CDH17: variants seen among roughly 807,000 people sequenced by gnomAD.
CDH17 encodes cadherin 17, also known as cadherin-17.
In CDH17, 67 loss-of-function variants were observed where a neutral mutation model predicts 86.3. That is an observed-to-expected ratio of 0.78 (90% CI 0.64 to 0.95). The LOEUF is 0.95. Among genes scored for constraint, CDH17 ranks in the 40% least tolerant of loss-of-function variants. The probability of loss-of-function intolerance (pLI) is 0.00; values close to 1 mark genes in which losing one functional copy is unlikely to be tolerated. For missense variants in CDH17, 993 were observed against 1,017.6 expected (o/e 0.98, Z 0.33); for synonymous variants, 367 against 366.4 (o/e 1.00, Z -0.02).
intron 13 of CDH17, 35 bp downstream of exon 13, chr8:94,151,833 C>T (rs371395316): frequency 1.3e-5 from 21 of 1,611,948 alleles, no homozygotes; most frequent in African/African-American, 1.2e-4. Context: ...TTGGTGACCA[C>T]GCAGCCAGGC....
chr8:94,191,652 C>G (rs1813693159), intron 2 of CDH17, among the ~76,000 whole-genome samples: 1 of 152,012 alleles, frequency 6.6e-6, no homozygotes, highest in African/African-American at 2.4e-5. Context: ...TGGGGTTTCA[C>G]CATGTTGGAC....
intron 17 of CDH17, among the ~76,000 whole-genome samples, chr8:94,129,306 C>T (rs756758936): frequency 5.3e-5 from 8 of 152,134 alleles, no homozygotes; most frequent in Non-Finnish European, 1.2e-4. Context: ...CTCAAAAAGA[C>T]AGCTCAATTA....
At chr8:94,135,108 T>A (rs1340353373) in intron 15 of CDH17, among the ~76,000 whole-genome samples, 1 of 152,156 alleles carries the variant, frequency 6.6e-6, no homozygotes, top group African/African-American at 2.4e-5. Context: ...ATAAGTGCTA[T>A]GTGGCACTGA....
intron 1 of CDH17, among the ~76,000 whole-genome samples, chr8:94,195,734 C>T (rs532730567): frequency 6.6e-6 from 1 of 151,108 alleles, no homozygotes; most frequent in Admixed American, 6.6e-5. Flanking sequence ...GTTTGGACTG[C>T]CCCTCCCCAA....
intron 11 of CDH17, among the ~76,000 whole-genome samples, chr8:94,161,183 G>T (rs931411473): frequency 1.3e-5 from 2 of 152,188 alleles, no homozygotes; most frequent in South Asian, 2.1e-4. Flanking sequence ...AGGTCACAAA[G>T]TTAGGAAAGG....
At chr8:94,210,975 T>C (rs1814112966), upstream of CDH17, among the ~76,000 whole-genome samples, 2 of 147,644 alleles carry the variant, frequency 1.4e-5, no homozygotes. Context: ...GAGCCGAGAT[T>C]GCACCACTGC....
intron 2 of CDH17, 149 bp downstream of exon 2, chr8:94,194,486 C>A: frequency 1.5e-6 from 1 of 646,940 alleles, no homozygotes; most frequent in Non-Finnish European, 2.7e-6. Context: ...CACAGTGGAA[C>A]AAGCTATGTT....
At chr8:94,184,747 A>T (rs74671749) in intron 3 of CDH17, among the ~76,000 whole-genome samples, 8 of 152,222 alleles carry the variant, frequency 5.3e-5, no homozygotes, top group Non-Finnish European at 1.2e-4. Flanking sequence ...AGAAAAAAAA[A>T]GACCTCTCTC....
intron 12 of CDH17, among the ~76,000 whole-genome samples, chr8:94,152,561 C>A (rs1812876488): frequency 6.6e-6 from 1 of 152,146 alleles, no homozygotes; most frequent in African/African-American, 2.4e-5. Context: ...CCACACCCAG[C>A]TAATTTTTGT....
intron 15 of CDH17, among the ~76,000 whole-genome samples, chr8:94,143,101 A>G (rs777259746): frequency 3.2e-4 from 49 of 152,374 alleles, no homozygotes; most frequent in Non-Finnish European, 2.9e-4. Flanking sequence ...AATAGCAGCT[A>G]TAACCTGATG....
rs2130592059 is a variant in CDH17 at position 94,146,024 on chromosome 8, T to C, written c.2071A>G (p.Thr691Ala). 6.2e-7 allele frequency: 1 copy of C among 1,613,928 alleles called. No homozygotes were observed. Among genetic ancestry groups the C allele is most frequent in the Non-Finnish European group, 8.5e-7 (1 of 1,179,910 alleles). The change falls in exon 15 of 18, where the codon ACT (threonine) becomes GCT (alanine). Residue 691 changes from threonine to alanine, a missense_variant. Transcript: ENST00000027335. ...CGAAATAAGTGCTGATCATCATCAG[T>C]AGCCTCGAAAATGAGACTTCCAGGT... ...SAPGSLIFEA[T>A]DDDQHLFRGP...
chr8:94,150,524 A>G (rs546638158), intron 13 of CDH17, among the ~76,000 whole-genome samples: 1 of 152,332 alleles, frequency 6.6e-6, no homozygotes, highest in South Asian at 2.1e-4. Flanking sequence ...CTTAATTCTT[A>G]ACAGACTTAT....
Position 94,189,174 on chromosome 8 carries a change from G to T in CDH17, c.150+13C>A, listed in dbSNP as rs1441387039. 5 of 1,583,210 alleles carry T rather than the reference G, an allele frequency of 3.2e-6. No individual in the cohort carries two copies. The highest frequency in any genetic ancestry group is 4.3e-6 in the Non-Finnish European group (5 of 1,153,586). Reference sequence around the variant, plus strand: ...ACAAAATCAAGAGGACAGTGATCAAGGGTAGCTTTTACCTGGAATATAATT... The same window carrying T: ...ACAAAATCAAGAGGACAGTGATCAATGGTAGCTTTTACCTGGAATATAATT... On this transcript the variant is annotated intron_variant, in intron 3 of 17. Coordinates refer to ENST00000027335, the MANE Select transcript of CDH17 (RefSeq NM_004063.4).
At position 94,191,032 on chromosome 8, in the gene CDH17, G is replaced by A. The variant is rs186428876; in HGVS notation, c.52-1747C>T. Among the ~76,000 whole-genome samples the A allele has an allele frequency of 1.4e-4, 21 of 152,268 alleles. 1 individual carries two copies. Among genetic ancestry groups the A allele is most frequent in the Admixed American group, 9.2e-4 (14 of 15,290 alleles). On this transcript the variant is annotated intron_variant, in intron 2 of 17. Coordinates refer to ENST00000027335, the MANE Select transcript of CDH17 (RefSeq NM_004063.4). ...TTTTCTTCCTCCCACCACAGAGACC[G>A]GTAAACCAAGTTCCCTTTCCCAGGC...
intron 14 of CDH17, 55 bp downstream of exon 14, chr8:94,148,689 T>C: frequency 1.4e-6 from 2 of 1,427,254 alleles, no homozygotes; most frequent in Middle Eastern, 1.9e-4. Context: ...TCAACCCATG[T>C]ATCTTCTGAT....
chr8:94,149,578 A>G (rs1231537373), intron 13 of CDH17, among the ~76,000 whole-genome samples: 2 of 152,152 alleles, frequency 1.3e-5, no homozygotes, highest in South Asian at 2.1e-4. Context: ...AGACGCTTCA[A>G]GTAGAAGGAA....
chr8:94,151,837 G>A, intron 13 of CDH17, 31 bp downstream of exon 13: 19 of 1,612,802 alleles, frequency 1.2e-5, no homozygotes, highest in Non-Finnish European at 1.6e-5. Flanking sequence ...TGACCACGCA[G>A]CCAGGCCTGC....
chr8:94,179,433 A>G (rs1813435827), intron 3 of CDH17, among the ~76,000 whole-genome samples: 2 of 152,274 alleles, frequency 1.3e-5, no homozygotes, highest in Admixed American at 6.5e-5. Context: ...GAAAGCTGGG[A>G]AATGAGATGT....
intron 13 of CDH17, 29 bp from the exon 14 acceptor site, chr8:94,148,903 G>A (rs767679039): frequency 6.3e-7 from 1 of 1,586,742 alleles, no homozygotes; most frequent in Non-Finnish European, 8.5e-7. Context: ...GCAAAAGAAA[G>A]CCTGCATTAC....
Sources: gnomAD v4.1 joint callset for allele counts (sites outside exome capture counted in the v4.1 genomes callset) on GRCh38, gnomAD v4.1.1 for gene constraint, MANE v1.5 for transcripts, NCBI Gene and HGNC (gene_info 2026-07-23, HGNC 2026-07-21) for gene names.